The following LLGL2 variants were observed in gnomAD, a reference collection of about 807,000 sequenced individuals.
The protein encoded by LLGL2 is LLGL scribble cell polarity complex component 2.
Under a neutral mutation model 123.2 loss-of-function variants are expected in LLGL2, and 81 were observed. The ratio of observed to expected loss-of-function variants is 0.66; its 90% CI spans 0.55 to 0.79. The LOEUF is 0.79. LLGL2 is among the 30% of genes least tolerant of loss of function. The pLI is 0.00. For missense variants in LLGL2, 1,273 were observed against 1,414.6 expected (o/e 0.90, Z 1.61); for synonymous variants, 577 against 594.1 (o/e 0.97, Z 0.42).
intron 1 of LLGL2, among the ~76,000 whole-genome samples, chr17:75,540,925 T>C (rs1440681283): frequency 6.6e-6 from 1 of 151,850 alleles, no homozygotes; most frequent in Non-Finnish European, 1.5e-5. Flanking sequence ...GATGCTGGGG[T>C]TTAGGGAGGA....
chr17:75,573,095 G>A lies in LLGL2; in HGVS notation c.2542G>A (p.Val848Met), dbSNP rs773836919. 32 of 1,612,658 alleles carry A rather than the reference G, an allele frequency of 2.0e-5. No individual in the cohort carries two copies. Among genetic ancestry groups the A allele is most frequent in the East Asian group, 6.7e-5 (3 of 44,856 alleles). The change falls in exon 20 of 26, where the codon GTG (valine) becomes ATG (methionine). Residue 848 changes from valine to methionine, a missense_variant. Val to Met is a conservative substitution (Grantham distance 21). Coordinates refer to ENST00000392550, the MANE Select transcript of LLGL2 (RefSeq NM_001031803.2). ...LEGSRVRRVSVAHFGSRRAED... is the reference protein window; with the variant it reads ...LEGSRVRRVSMAHFGSRRAED... Reference sequence around the variant, plus strand: ...GGGCTCAAGAGTGCGGCGGGTCAGCGTGGCCCACTTCGGCAGTCGTCGAGC... The same window carrying A: ...GGGCTCAAGAGTGCGGCGGGTCAGCATGGCCCACTTCGGCAGTCGTCGAGC...
At chr17:75,527,914 A>AGT (rs1457616925) in intron 1 of LLGL2, among the ~76,000 whole-genome samples, 4 of 150,462 alleles carry the variant, frequency 2.7e-5, no homozygotes, top group African/African-American at 9.8e-5. Context: ...CAGCCTTCTG[A>AGT]GTAGCTGGGA....
Position 75,544,029 on chromosome 17 carries a change from G to T in LLGL2, c.75+528G>T, listed in dbSNP as rs1021865897. Among the ~76,000 whole-genome samples the T allele has an allele frequency of 6.6e-6, 1 of 152,116 alleles. No homozygotes were observed. The highest frequency in any genetic ancestry group is 2.4e-5 in the African/African-American group (1 of 41,434). On this transcript the variant is annotated intron_variant, in intron 2 of 25. Coordinates refer to ENST00000392550, the MANE Select transcript of LLGL2 (RefSeq NM_001031803.2). The surrounding 1 kb of genome is among the most constrained non-coding windows in gnomAD (Gnocchi z 4.2). ...CCGGCCGGGGTGAGTGGGGAGAGGT[G>T]CCCAGGAGAATGAGCCGGAGTTGGC...
At chr17:75,556,286 A>G (rs1238490661) in intron 3 of LLGL2, 143 bp downstream of exon 3, 12 of 696,410 alleles carry the variant, frequency 1.7e-5, no homozygotes, top group Non-Finnish European at 2.9e-5. Flanking sequence ...ACATGATTTT[A>G]TTCCAAAATG....
intron 2 of LLGL2, among the ~76,000 whole-genome samples, chr17:75,552,998 G>A (rs1319785370): frequency 6.6e-6 from 1 of 152,208 alleles, no homozygotes; most frequent in Non-Finnish European, 1.5e-5. Context: ...CTGCTGTCCT[G>A]GGAGACGGCT....
chr17:75,540,306 C>T (rs1384511167), intron 1 of LLGL2, among the ~76,000 whole-genome samples: 1 of 152,174 alleles, frequency 6.6e-6, no homozygotes, highest in African/African-American at 2.4e-5. Context: ...AGGTGAGGCC[C>T]GCCAGGTCTA....
upstream of LLGL2, among the ~76,000 whole-genome samples, chr17:75,525,509 C>T (rs2053524672): frequency 6.6e-6 from 1 of 151,498 alleles, no homozygotes; most frequent in Non-Finnish European, 1.5e-5. This position sits in a 1 kb window ranked among gnomAD's most constrained non-coding sequence, Gnocchi z 4.8. Flanking sequence ...GCCTGCGGAA[C>T]CCCGAGGCCG....
At chr17:75,572,927 T>C in intron 19 of LLGL2, 87 bp from the exon 20 acceptor site, 1 of 1,474,986 alleles carries the variant, frequency 6.8e-7, no homozygotes, top group Non-Finnish European at 9.1e-7. Context: ...CCGGGAGGCA[T>C]GTGGGGAGGG....
intron 1 of LLGL2, among the ~76,000 whole-genome samples, chr17:75,535,139 C>T (rs912957736): frequency 6.6e-5 from 10 of 152,238 alleles, no homozygotes; most frequent in Admixed American, 5.2e-4. Context: ...GGCACAGATG[C>T]CGCAGGGGTC....
chr17:75,564,531 G>T lies in LLGL2; in HGVS notation c.1036+24G>T, dbSNP rs373341692. On this transcript the variant is annotated intron_variant, in intron 10 of 25. Coordinates refer to ENST00000392550, the MANE Select transcript of LLGL2 (RefSeq NM_001031803.2). This position sits in a 1 kb window ranked among gnomAD's most constrained non-coding sequence, Gnocchi z 4.9. Reference sequence around the variant, plus strand: ...CAGTAGGAGAGCTTCGGGAGTGGGTGCCCAGGGTTAGGTGTGGGAGGCATG... The same window carrying T: ...CAGTAGGAGAGCTTCGGGAGTGGGTTCCCAGGGTTAGGTGTGGGAGGCATG... The T allele has an allele frequency of 1.2e-6, 2 of 1,612,784 alleles. No homozygotes were observed. The highest frequency in any genetic ancestry group is 1.3e-5 in the African/African-American group (1 of 75,060).
rs1246767779 is a variant in LLGL2, at chr17:75,570,471, G to T, written c.1998G>T (p.Lys666Asn). 1 of 1,583,790 alleles carries T rather than the reference G, an allele frequency of 6.3e-7. No homozygotes were observed. The highest frequency in any genetic ancestry group is 1.8e-5 in the Admixed American group (1 of 55,358). Residue 666 changes from lysine to asparagine, a missense_variant, in exon 16 of 26, where the codon AAG (lysine) becomes AAT (asparagine). By Grantham distance (94) the Lys-to-Asn change is moderately conservative. Coordinates refer to ENST00000392550, the MANE Select transcript of LLGL2 (RefSeq NM_001031803.2). ...RMRRSRVSSR[K>N]RHPAGPPGEA... Reference sequence around the variant, plus strand: ...GTCGGAGCCGGGTGTCCAGCCGGAAGCGGCACCCGGCTGGCCCCCCAGGAG... The same window carrying T: ...GTCGGAGCCGGGTGTCCAGCCGGAATCGGCACCCGGCTGGCCCCCCAGGAG...
intron 1 of LLGL2, among the ~76,000 whole-genome samples, chr17:75,526,088 TAGGAGAGC>T (rs564081275): frequency 7.7e-4 from 117 of 152,224 alleles, no homozygotes; most frequent in African/African-American, 2.7e-3. Flanking sequence ...AATGTTGGCT[TAGGAGAGC>T]AGGAGAACAG....
Position 75,559,451 on chromosome 17 carries a change from A to G in LLGL2, c.530+41A>G. 6.4e-7 allele frequency: 1 copy of G among 1,557,046 alleles called. No homozygotes were observed. On this transcript the variant is annotated intron_variant, in intron 6 of 25. Coordinates refer to ENST00000392550, the MANE Select transcript of LLGL2 (RefSeq NM_001031803.2). The surrounding 1 kb of genome is among the most constrained non-coding windows in gnomAD (Gnocchi z 4.6). ...AGCTGCTGTTAACTCCATCCCCTCAAGTTAGGCATGGCTTCTCCCCTTGGT... is the reference window on the plus strand; with the variant it reads ...AGCTGCTGTTAACTCCATCCCCTCAGGTTAGGCATGGCTTCTCCCCTTGGT...
chr17:75,554,982 G>A (rs1261113702), intron 2 of LLGL2, among the ~76,000 whole-genome samples: 3 of 151,152 alleles, frequency 2.0e-5, no homozygotes, highest in East Asian at 4.0e-4. Context: ...ATGAGGTCAG[G>A]AGATAGAGAC....
chr17:75,554,579 C>T lies in LLGL2; in HGVS notation c.76-1467C>T, dbSNP rs116220247. 3.3e-3 allele frequency among the ~76,000 whole-genome samples: 494 copies of T among 151,542 alleles called. 5 individuals carry two copies. Among genetic ancestry groups the T allele is most frequent in the African/African-American group, 0.011 (473 of 41,228 alleles). On this transcript the variant is annotated intron_variant, in intron 2 of 25. Transcript: ENST00000392550. ...AGGCTACAGTGAACCGAAATCATGC[C>T]GTAGCACCCAGCCTGGGCAACAGAG...
intron 1 of LLGL2, chr17:75,542,880 G>C (rs375508923): frequency 6.6e-6 from 1 of 152,360 alleles, no homozygotes; most frequent in Admixed American, 6.5e-5. Flanking sequence ...AGCCTTCCCC[G>C]AGGTCAGAAG....
chr17:75,561,244 G>A (rs2055206397), intron 6 of LLGL2, among the ~76,000 whole-genome samples: 1 of 152,196 alleles, frequency 6.6e-6, no homozygotes, highest in South Asian at 2.1e-4. Flanking sequence ...TAAAGATATA[G>A]GATAAGAATG....
At chr17:75,571,497 C>T in intron 17 of LLGL2, 170 bp from the exon 18 acceptor site, 1 of 612,658 alleles carries the variant, frequency 1.6e-6, no homozygotes, top group Non-Finnish European at 2.9e-6. Context: ...TGTATCACAG[C>T]AAGGGCTGAG....
At chr17:75,525,216 G>C (rs1292931873), upstream of LLGL2, 1 of 136,040 alleles carries the variant, frequency 7.4e-6, no homozygotes, top group Non-Finnish European at 1.6e-5. The surrounding 1 kb of genome is among the most constrained non-coding windows in gnomAD (Gnocchi z 4.8). Flanking sequence ...AAGGCGTCTC[G>C]CCGCGACGCC....
Sources: gnomAD v4.1 joint callset for allele counts (sites outside exome capture counted in the v4.1 genomes callset) on GRCh38, gnomAD v4.1.1 for gene constraint, Gnocchi (gnomAD v3.1) non-coding constraint, MANE v1.5 for transcripts, NCBI Gene and HGNC (gene_info 2026-07-23, HGNC 2026-07-21) for gene names.